TXNL4A: variants seen among roughly 807,000 people sequenced by gnomAD.
TXNL4A encodes thioredoxin like 4A, also known as thioredoxin-like protein 4A.
In TXNL4A, 17 loss-of-function variants were observed where a neutral mutation model predicts 14.6. The ratio of observed to expected loss-of-function variants is 1.16; its 90% CI spans 0.80 to 1.74. The LOEUF is 1.74. Ranked by LOEUF, TXNL4A falls within the 40% of genes most tolerant of loss-of-function variation. The probability of loss-of-function intolerance (pLI) is 0.00; values close to 1 mark genes in which losing one functional copy is unlikely to be tolerated. For missense variants in TXNL4A, 74 were observed against 195.2 expected, an observed-to-expected ratio of 0.38 and a Z score of 3.70; for synonymous variants, 83 against 70.6, an observed-to-expected ratio of 1.18 and a Z score of -0.88.
At chr18:80,018,385 A>G (rs2051826339) in intron 1 of TXNL4A, among the ~76,000 whole-genome samples, 1 of 152,246 alleles carries the variant, frequency 6.6e-6, no homozygotes, top group Non-Finnish European at 1.5e-5. Context: ...AGAAAGCACG[A>G]AAGATCCAAA....
intron 1 of TXNL4A, among the ~76,000 whole-genome samples, chr18:79,978,456 A>G (rs1200246458): frequency 6.6e-6 from 1 of 152,188 alleles, no homozygotes; most frequent in Non-Finnish European, 1.5e-5. Context: ...ATAAAAAGAA[A>G]ATAAGATCAC....
intron 1 of TXNL4A, among the ~76,000 whole-genome samples, chr18:79,983,013 C>CT (rs1230546340): frequency 3.3e-5 from 5 of 152,020 alleles, no homozygotes; most frequent in Non-Finnish European, 7.4e-5. Flanking sequence ...TTTTTCTTTT[C>CT]TTTTTTAGAT....
At chr18:79,980,760 C>T (rs967151442) in intron 1 of TXNL4A, among the ~76,000 whole-genome samples, 10 of 151,880 alleles carry the variant, frequency 6.6e-5, no homozygotes, top group African/African-American at 2.2e-4. Flanking sequence ...GGTGAGCACA[C>T]GGCCCACTGC....
chr18:79,988,399 C>T lies in TXNL4A; in HGVS notation c.-7G>A. 1 of 1,447,268 alleles carries T rather than the reference C, an allele frequency of 6.9e-7. No individual in the cohort carries two copies. The highest frequency in any genetic ancestry group is 1.5e-5 in the African/African-American group (1 of 68,922). The allele number at this position is 1,447,268 out of a possible 1,614,324, so 89.7% of individuals were successfully genotyped here. ...GCGGGAGCATGTACGACATGGCGGC[C>T]CGCGCGCTCGCCGCCGCCCAAGGCG... On this transcript the variant is annotated 5_prime_UTR_variant, in exon 1 of 3. Transcript: ENST00000269601.
Position 80,012,682 on chromosome 18 carries a change from C to A in TXNL4A, c.-61+21169G>T, listed in dbSNP as rs1414354036. ...ACAGTACCATTTGGAACTATACATG[C>A]TGCGTAGGAAGAATCTTTTTGGCAA... On this transcript the variant is annotated intron_variant, in intron 1 of 2. Coordinates refer to the TXNL4A transcript ENST00000585474. Among the ~76,000 whole-genome samples, 5 of 152,296 alleles carry A rather than the reference C, an allele frequency of 3.3e-5. No individual in the cohort carries two copies. The East Asian group carries it at 9.6e-4, about 29-fold the overall frequency.
chr18:79,972,921 AG>A lies in TXNL4A; in HGVS notation c.*763del, dbSNP rs2051319912. 1.3e-5 allele frequency: 2 copies of A among 152,258 alleles called. No homozygotes were observed. The highest frequency in any genetic ancestry group is 1.3e-4 in the Admixed American group (2 of 15,280). The allele number at this position is 152,258 out of a possible 1,614,324, so 9.4% of individuals were successfully genotyped here. A position where few individuals can be genotyped will look rare whatever the true frequency, so the allele number is the denominator to read the frequency against. ...TTTATTGTACTGTTTTTATAACCAG[AG>A]TAAACCTTTGGATTCTGTCATGGAT... On this transcript the variant is annotated 3_prime_UTR_variant, in exon 3 of 3. Coordinates refer to ENST00000269601, the MANE Select transcript of TXNL4A (RefSeq NM_006701.5).
intron 1 of TXNL4A, among the ~76,000 whole-genome samples, chr18:80,014,032 C>G (rs921323014): frequency 1.3e-5 from 2 of 152,152 alleles, no homozygotes; most frequent in Non-Finnish European, 2.9e-5. Flanking sequence ...TATTCACTAT[C>G]CTGAGACTAG....
chr18:80,015,203 G>A (rs2051799087), intron 1 of TXNL4A, among the ~76,000 whole-genome samples: 1 of 151,478 alleles, frequency 6.6e-6, no homozygotes, highest in Non-Finnish European at 1.5e-5. Flanking sequence ...CTAACATTTG[G>A]CTCCTTGTTA....
intron 1 of TXNL4A, among the ~76,000 whole-genome samples, chr18:80,028,857 C>T (rs1027623875): frequency 7.2e-5 from 11 of 152,212 alleles, no homozygotes; most frequent in African/African-American, 2.4e-4. Context: ...CAACATGTAT[C>T]AGAGCTGTTA....
chr18:79,973,574 G>T lies in TXNL4A; in HGVS notation c.*111C>A. 7.3e-7 allele frequency: 1 copy of T among 1,377,944 alleles called. No individual in the cohort carries two copies. The highest frequency in any genetic ancestry group is 2.4e-5 in the East Asian group (1 of 42,430). 85.4% of individuals were successfully genotyped at this position (1,377,944 alleles called of 1,614,324 possible). ...AGACCATGTTATCAATTCCATCTCAGAGGTGCTCCAGCCCTGGAGCTTCCT... is the reference window on the plus strand; with the variant it reads ...AGACCATGTTATCAATTCCATCTCATAGGTGCTCCAGCCCTGGAGCTTCCT... On this transcript the variant is annotated 3_prime_UTR_variant, in exon 3 of 3. Coordinates refer to ENST00000269601, the MANE Select transcript of TXNL4A (RefSeq NM_006701.5).
In TXNL4A at chr18:79,972,120, GCAAT is replaced by G. The variant is rs1430216705; in HGVS notation, c.*1561_*1564del. 2.0e-5 allele frequency: 3 copies of G among 152,410 alleles called. No homozygotes were observed. The highest frequency in any genetic ancestry group is 4.4e-5 in the Non-Finnish European group (3 of 68,064). 9.4% of individuals were successfully genotyped at this position (152,410 alleles called of 1,614,324 possible). A position where few individuals can be genotyped will look rare whatever the true frequency, so the allele number is the denominator to read the frequency against. On this transcript the variant is annotated 3_prime_UTR_variant, in exon 3 of 3. Coordinates refer to ENST00000269601, the MANE Select transcript of TXNL4A (RefSeq NM_006701.5). Reference sequence around the variant, plus strand: ...TAAGTACCCTCCCGTTTCCACAACAGCAATCAATCTCCCGACAGCAGCGAGCCCT... The same window carrying G: ...TAAGTACCCTCCCGTTTCCACAACAGCAATCTCCCGACAGCAGCGAGCCCT...
chr18:80,014,793 C>T (rs113510699), intron 1 of TXNL4A, among the ~76,000 whole-genome samples: 1 of 152,226 alleles, frequency 6.6e-6, no homozygotes, highest in Non-Finnish European at 1.5e-5. Context: ...CCTTCTGCAC[C>T]ACCCTAGCAG....
chr18:79,999,391 C>T (rs1037242379), intron 1 of TXNL4A, among the ~76,000 whole-genome samples: 1 of 151,932 alleles, frequency 6.6e-6, no homozygotes, highest in Non-Finnish European at 1.5e-5. Context: ...CAAAAATTAG[C>T]CAGGCATGGT....
chr18:80,027,516 T>G (rs371082186), intron 1 of TXNL4A, among the ~76,000 whole-genome samples: 2 of 152,186 alleles, frequency 1.3e-5, no homozygotes, highest in Admixed American at 6.5e-5. Flanking sequence ...TCCAGACAGC[T>G]GGTATTTGTT....
At chr18:79,981,390 G>A (rs2051460746) in intron 1 of TXNL4A, among the ~76,000 whole-genome samples, 1 of 152,204 alleles carries the variant, frequency 6.6e-6, no homozygotes, top group South Asian at 2.1e-4. Context: ...CAGAGTGCAG[G>A]GCCAGGTGAG....
chr18:80,014,007 A>T (rs907912662), intron 1 of TXNL4A, among the ~76,000 whole-genome samples: 1 of 152,236 alleles, frequency 6.6e-6, no homozygotes, highest in African/African-American at 2.4e-5. Flanking sequence ...TAAACCCATC[A>T]GCTCTCAAGA....
intron 1 of TXNL4A, among the ~76,000 whole-genome samples, chr18:79,996,421 G>A (rs1189761516): frequency 6.6e-6 from 1 of 152,158 alleles, no homozygotes. Flanking sequence ...ACTCTCTCAT[G>A]TTTTAAGTCT....
Position 80,017,289 on chromosome 18 carries a change from A to G in TXNL4A, c.-61+16562T>C, listed in dbSNP as rs201820730. Among the ~76,000 whole-genome samples the G allele has an allele frequency of 2.0e-5, 3 of 152,334 alleles. No individual in the cohort carries two copies. In the East Asian group the frequency reaches 5.8e-4, roughly 29 times the overall value. Reference sequence around the variant, plus strand: ...TGAGACGATGGGGTTTTCTAGATATACAATCATGTCATCTGCAAACAGGGA... The same window carrying G: ...TGAGACGATGGGGTTTTCTAGATATGCAATCATGTCATCTGCAAACAGGGA... On this transcript the variant is annotated intron_variant, in intron 1 of 2. Transcript: ENST00000585474.
intron 1 of TXNL4A, among the ~76,000 whole-genome samples, chr18:80,022,311 T>G (rs763237047): frequency 1.3e-5 from 2 of 152,126 alleles, no homozygotes; most frequent in African/African-American, 2.4e-5. Flanking sequence ...CCCAAGGGTT[T>G]TTTTCTTGAC....
Sources: gnomAD v4.1 joint callset for allele counts (sites outside exome capture counted in the v4.1 genomes callset) on GRCh38, gnomAD v4.1.1 for gene constraint, MANE v1.5 for transcripts, NCBI Gene and HGNC (gene_info 2026-07-23, HGNC 2026-07-21) for gene names.